TMBIM4: variants seen among roughly 807,000 people sequenced by gnomAD.
TMBIM4 encodes protein lifeguard 4.
Under a neutral mutation model 27.7 loss-of-function variants are expected in TMBIM4, and 28 were observed. The observed-to-expected ratio is 1.01, with a 90% confidence interval of 0.75 to 1.38. The LOEUF is 1.38. Ranked by LOEUF, TMBIM4 falls within the 40% of genes most tolerant of loss-of-function variation. The pLI, the probability that TMBIM4 is intolerant of heterozygous loss-of-function variation, is 0.00. For missense variants in TMBIM4, 265 were observed against 277.5 expected (o/e 0.95, Z 0.32); for synonymous variants, 115 against 113.1 (o/e 1.02, Z -0.11).
intron 1 of TMBIM4, among the ~76,000 whole-genome samples, chr12:66,159,952 T>A (rs1042286359): frequency 6.6e-6 from 1 of 152,194 alleles, no homozygotes; most frequent in South Asian, 2.1e-4. Flanking sequence ...GACATAGAAA[T>A]TAACACATGA....
chr12:66,152,407 T>TA (rs1188468000), intron 2 of TMBIM4, 31 bp from the exon 3 acceptor site: 1 of 1,477,294 alleles, frequency 6.8e-7, no homozygotes, highest in Non-Finnish European at 9.3e-7. Context: ...TGTTTCAAGT[T>TA]AAAGAAAAAA....
rs2052209750 is a variant in TMBIM4 at position 66,169,958 on chromosome 12, A to C, written c.-7T>G. The stretch of plus-strand genomic sequence containing the variant: ...GGGGGTCGGGGTCAGCCATGATGGC[A>C]ACAGCACCCCTACCGGTCCCGGTCC... On this transcript the variant is annotated 5_prime_UTR_variant, in exon 1 of 7. Coordinates refer to ENST00000358230, the MANE Select transcript of TMBIM4 (RefSeq NM_016056.4). The C allele has an allele frequency of 1.3e-6, 2 of 1,486,790 alleles. No individual in the cohort carries two copies. Among genetic ancestry groups the C allele is most frequent in the Non-Finnish European group, 1.8e-6 (2 of 1,119,438 alleles). 92.1% of individuals were successfully genotyped at this position (1,486,790 alleles called of 1,614,324 possible).
At chr12:66,169,223 A>AT in intron 1 of TMBIM4, 1 of 697,432 alleles carries the variant, frequency 1.4e-6, no homozygotes, top group Non-Finnish European at 2.6e-6. Context: ...GAAGCTGAGC[A>AT]TTTTAAATTC....
At chr12:66,158,540 G>A (rs1444367790) in intron 1 of TMBIM4, among the ~76,000 whole-genome samples, 4 of 151,984 alleles carry the variant, frequency 2.6e-5, no homozygotes. Context: ...TCGGGCTGAG[G>A]CAGGAGAATC....
chr12:66,150,541 G>C (rs1460072537), intron 3 of TMBIM4, among the ~76,000 whole-genome samples: 1 of 151,958 alleles, frequency 6.6e-6, no homozygotes, highest in Non-Finnish European at 1.5e-5. Context: ...AGCCTCCCAA[G>C]TAGTGGGACT....
chr12:66,160,211 C>A (rs754351113), intron 1 of TMBIM4: 1 of 703,286 alleles, frequency 1.4e-6, no homozygotes, highest in Admixed American at 2.0e-5. Flanking sequence ...TACCAGATTG[C>A]CGGAGATGAA....
At chr12:66,149,066 T>C (rs1225258138) in intron 3 of TMBIM4, among the ~76,000 whole-genome samples, 1 of 152,108 alleles carries the variant, frequency 6.6e-6, no homozygotes, top group African/African-American at 2.4e-5. Context: ...AAATTGTACA[T>C]AGATGTGGAG....
At chr12:66,161,288 T>G (rs1181597992) in intron 1 of TMBIM4, 1 of 152,560 alleles carries the variant, frequency 6.6e-6, no homozygotes, top group Non-Finnish European at 1.5e-5. Flanking sequence ...TCGCCCAGGG[T>G]GGAGTGCAGT....
chr12:66,166,464 C>CAAAAAAAAAAAAAAAAAAAAAA (rs59822799), intron 1 of TMBIM4, among the ~76,000 whole-genome samples: 3 of 100,688 alleles, frequency 3.0e-5, no homozygotes, highest in African/African-American at 3.8e-5. Context: ...TACTTTGTCT[C>CAAAAAAAAAAAAAAAAAAAAAA]AAAAAAAAAA....
chr12:66,159,158 TATGGACTG>T (rs2051994583), intron 1 of TMBIM4, among the ~76,000 whole-genome samples: 1 of 152,170 alleles, frequency 6.6e-6, no homozygotes, highest in Non-Finnish European at 1.5e-5. Context: ...TCCCCTTGAG[TATGGACTG>T]GACTTAGTGA....
chr12:66,160,193 C>A, intron 1 of TMBIM4: 1 of 703,478 alleles, frequency 1.4e-6, no homozygotes, highest in South Asian at 1.5e-5. Context: ...TGTTCACCAT[C>A]CCTGATCTAC....
chr12:66,136,635 A>G lies in TMBIM4; in HGVS notation c.*1325T>C, dbSNP rs2051584148. 2 of 142,076 alleles carry G rather than the reference A, an allele frequency of 1.4e-5. No homozygotes were observed. Among genetic ancestry groups the G allele is most frequent in the African/African-American group, 5.0e-5 (2 of 39,608 alleles). The allele number at this position is 142,076 out of a possible 1,614,324, so 8.8% of individuals were successfully genotyped here. On this transcript the variant is annotated 3_prime_UTR_variant, in exon 7 of 7. Coordinates refer to ENST00000358230, the MANE Select transcript of TMBIM4 (RefSeq NM_016056.4). ...TGACTGGTGTCCTCATAAGAAGAAG[A>G]AATTTGGGCACAGACAAGTACAGAG...
intron 1 of TMBIM4, among the ~76,000 whole-genome samples, chr12:66,161,755 T>C (rs1030614666): frequency 6.6e-6 from 1 of 152,170 alleles, no homozygotes; most frequent in Non-Finnish European, 1.5e-5. Flanking sequence ...GTGAGGGACG[T>C]AGAAGTAAAT....
intron 1 of TMBIM4, among the ~76,000 whole-genome samples, chr12:66,165,133 G>A (rs777966579): frequency 2.4e-4 from 36 of 152,032 alleles, no homozygotes; most frequent in Non-Finnish European, 4.0e-4. Context: ...ACTACCCAAA[G>A]TAACCTACTT....
At chr12:66,141,286 AT>A (rs2136846198) in intron 5 of TMBIM4, among the ~76,000 whole-genome samples, 1 of 152,268 alleles carries the variant, frequency 6.6e-6, no homozygotes, top group South Asian at 2.1e-4. Context: ...TATGGAGTTT[AT>A]AACATGTAGA....
At chr12:66,147,871 A>C (rs1407747955) in intron 4 of TMBIM4, 37 bp downstream of exon 4, 1 of 1,577,684 alleles carries the variant, frequency 6.3e-7, no homozygotes, top group East Asian at 2.3e-5. Context: ...TACATTAAAA[A>C]GTTATTATAA....
chr12:66,163,724 T>G (rs1460011579), intron 1 of TMBIM4, among the ~76,000 whole-genome samples: 3 of 152,210 alleles, frequency 2.0e-5, no homozygotes, highest in African/African-American at 4.8e-5. Context: ...AGACAGAATC[T>G]GAGAATGTCT....
chr12:66,167,644 T>C (rs2052154210), intron 1 of TMBIM4, among the ~76,000 whole-genome samples: 1 of 152,218 alleles, frequency 6.6e-6, no homozygotes, highest in African/African-American at 2.4e-5. Context: ...GGTGAACCCT[T>C]GTGCACTGTT....
chr12:66,144,110 T>C (rs1384353114), intron 5 of TMBIM4, among the ~76,000 whole-genome samples: 1 of 152,100 alleles, frequency 6.6e-6, no homozygotes, highest in Non-Finnish European at 1.5e-5. Flanking sequence ...GTTTCCATTT[T>C]TGTATCACCC....
Sources: gnomAD v4.1 joint callset for allele counts (sites outside exome capture counted in the v4.1 genomes callset) on GRCh38, gnomAD v4.1.1 for gene constraint, MANE v1.5 for transcripts, NCBI Gene and HGNC (gene_info 2026-07-23, HGNC 2026-07-21) for gene names.